ACADVL: variants seen among roughly 807,000 people sequenced by gnomAD.
The protein encoded by ACADVL is acyl-CoA dehydrogenase very long chain, also known as very long-chain acyl-CoA dehydrogenase, mitochondrial.
ACADVL carries 73 observed loss-of-function variants against 80.4 expected under a neutral mutation model. That is an observed-to-expected ratio of 0.91 (90% CI 0.75 to 1.10). The LOEUF is 1.10. Ranked by LOEUF, ACADVL falls within the 50% of genes least tolerant of loss-of-function variation. The pLI is 0.00. For missense variants in ACADVL, 878 were observed against 858.9 expected (o/e 1.02, Z -0.28); for synonymous variants, 392 against 326.5 (o/e 1.20, Z -2.16).
Position 7,225,261 on chromosome 17 carries a change from C to T in ACADVL, c.*164C>T, listed in dbSNP as rs2071422025. 1 of 949,738 alleles carries T rather than the reference C, an allele frequency of 1.1e-6. No individual in the cohort carries two copies. Among genetic ancestry groups the T allele is most frequent in the Non-Finnish European group, 1.6e-6 (1 of 635,488 alleles). The allele number at this position is 949,738 out of a possible 1,614,324, so 58.8% of individuals were successfully genotyped here. A position where few individuals can be genotyped will look rare whatever the true frequency, so the allele number is the denominator to read the frequency against. ...CTCGCAAATAATAAAAATTTCTAGC[C>T]AGTCATGCTTTGCTCCTGTGTGACG... On this transcript the variant is annotated 3_prime_UTR_variant, in exon 20 of 20. Transcript: ENST00000356839.
At chr17:7,217,630 A>C, upstream of ACADVL, 1 of 1,147,988 alleles carries the variant, frequency 8.7e-7, no homozygotes, top group Non-Finnish European at 1.1e-6. Context: ...AGAGGAGGAG[A>C]GAGGAAGCAG....
upstream of ACADVL, chr17:7,219,502 A>C: frequency 9.4e-7 from 1 of 1,063,274 alleles, no homozygotes; most frequent in Non-Finnish European, 1.1e-6. Context: ...GCCCCCCACC[A>C]CTGTACCCTC....
chr17:7,222,353 TCCTGGG>T (rs762627287), intron 9 of ACADVL, 51 bp downstream of exon 9: 3 of 1,599,994 alleles, frequency 1.9e-6, no homozygotes, highest in Non-Finnish European at 2.6e-6. Context: ...AGGACTGGGC[TCCTGGG>T]CAGATGGCTG....
Position 7,222,837 on chromosome 17 carries a change from G to T in ACADVL, c.1049G>T (p.Gly350Val), listed in dbSNP as rs1343647718. ...GRFGMAAALA[G>V]TMRGIIAKAV... ...TTTGGCATGGCTGCGGCCCTGGCAG[G>T]TACCATGAGAGGCATCATTGCTAAG... Residue 350 changes from glycine (G) to valine (V), a missense_variant, in exon 10 of 20, where the codon GGT becomes GTT. By Grantham distance (109) the Gly-to-Val change is moderately radical. Coordinates refer to ENST00000356839, the MANE Select transcript of ACADVL (RefSeq NM_000018.4). 1 of 1,612,960 alleles carries T rather than the reference G, an allele frequency of 6.2e-7. No individual in the cohort carries two copies.
In ACADVL at chr17:7,224,835, A is replaced by G. The variant is rs1567569517; in HGVS notation, c.1778A>G (p.His593Arg). 2 of 1,613,800 alleles carry G rather than the reference A, an allele frequency of 1.2e-6. No homozygotes were observed. The highest frequency in any genetic ancestry group is 1.7e-6 in the Non-Finnish European group (2 of 1,179,982). Residue 593 changes from histidine to arginine, a missense_variant, in exon 19 of 20, where the codon CAC becomes CGC. Physicochemically the swap from His to Arg is conservative, Grantham distance 29 (BLOSUM62 0). Coordinates refer to ENST00000356839, the MANE Select transcript of ACADVL (RefSeq NM_000018.4). ...SRASRSLSEGHPTAQHEKMLC... is the reference protein window; with the variant it reads ...SRASRSLSEGRPTAQHEKMLC... ...GCCTCAAGATCCCTGAGTGAGGGCC[A>G]CCCCACGGCCCAGCATGAGAAAATG...
upstream of ACADVL, chr17:7,218,144 G>A (rs2071018926): frequency 2.6e-6 from 3 of 1,155,036 alleles, no homozygotes; most frequent in Non-Finnish European, 2.5e-6. Flanking sequence ...TTGTCAGCAG[G>A]GCCCCCAAGA....
In ACADVL at chr17:7,220,632, T is replaced by A. The variant is rs1567561038; in HGVS notation, c.233T>A (p.Phe78Tyr). 1 of 1,614,034 alleles carries A rather than the reference T, an allele frequency of 6.2e-7. No homozygotes were observed. The highest frequency in any genetic ancestry group is 8.5e-7 in the Non-Finnish European group (1 of 1,180,026). ...TCTAAGTCCTTTGCTGTGGGAATGT[T>A]CAAAGGCCAGCTCACCACAGATCAG... Reference protein sequence around the residue: ...AESKSFAVGMFKGQLTTDQVF... With the variant: ...AESKSFAVGMYKGQLTTDQVF... Residue 78 changes from phenylalanine to tyrosine, a missense_variant, in exon 4 of 20, where the codon TTC (phenylalanine) becomes TAC (tyrosine). Coordinates refer to ENST00000356839, the MANE Select transcript of ACADVL (RefSeq NM_000018.4).
At chr17:7,219,412 A>G, upstream of ACADVL, 1 of 1,015,366 alleles carries the variant, frequency 9.8e-7, no homozygotes, top group Non-Finnish European at 1.2e-6. Context: ...CCTACTGTGA[A>G]ACTGTAGCTG....
Position 7,224,354 on chromosome 17 carries a change from C to A in ACADVL, c.1566C>A (p.Ser522Arg), listed in dbSNP as rs371654348. The A allele has an allele frequency of 1.9e-6, 3 of 1,613,742 alleles. No homozygotes were observed. Among genetic ancestry groups the A allele is most frequent in the Non-Finnish European group, 2.5e-6 (3 of 1,179,976 alleles). ...GGCTGGGCAGCGGCCTGAGTCTCAG[C>A]GGACTTGTCCACCCGGAGTTGAGTC... ...RAGLGSGLSL[S>R]GLVHPELSRS... Residue 522 changes from serine (S) to arginine (R), a missense_variant, in exon 16 of 20, where the codon AGC (serine) becomes AGA (arginine). Ser to Arg is a moderately radical substitution (Grantham distance 110). Transcript: ENST00000356839.
chr17:7,217,288 G>A, upstream of ACADVL: 1 of 1,137,944 alleles, frequency 8.8e-7, no homozygotes, highest in Non-Finnish European at 1.1e-6. Flanking sequence ...GGGGTGAGAG[G>A]GGAAGGAGGG....
upstream of ACADVL, chr17:7,219,322 GAGGGCAAAGACAGA>G: frequency 1.1e-6 from 1 of 893,008 alleles, no homozygotes; most frequent in Non-Finnish European, 1.4e-6. Context: ...GGAAGGAACA[GAGGGCAAAGACAGA>G]AGGGAATGTT....
intron 9 of ACADVL, 139 bp from the exon 10 acceptor site, chr17:7,222,528 G>A (rs1253455482): frequency 1.6e-5 from 19 of 1,176,458 alleles, no homozygotes; most frequent in Non-Finnish European, 2.1e-5. Context: ...CTCAGGGCCT[G>A]AGGGGAAGTG....
intron 7 of ACADVL, 26 bp from the exon 8 acceptor site, chr17:7,221,926 G>C: frequency 6.2e-7 from 1 of 1,614,002 alleles, no homozygotes. Context: ...TCAGAACTTG[G>C]GGTAAAGTAG....
In ACADVL at chr17:7,222,764, G is replaced by T. The variant is rs771210493; in HGVS notation, c.976G>T (p.Val326Phe). 2.5e-6 allele frequency: 4 copies of T among 1,614,152 alleles called. No homozygotes were observed. The highest frequency in any genetic ancestry group is 2.7e-5 in the African/African-American group (2 of 75,040). Residue 326 changes from valine (V) to phenylalanine (F), a missense_variant, in exon 10 of 20, where the codon GTT becomes TTT. Coordinates refer to ENST00000356839, the MANE Select transcript of ACADVL (RefSeq NM_000018.4). ...GCCATCGGAGAACGTGCTGGGTGAGGTTGGGAGTGGCTTCAAGGTTGCCAT... is the reference window on the plus strand; with the variant it reads ...GCCATCGGAGAACGTGCTGGGTGAGTTTGGGAGTGGCTTCAAGGTTGCCAT... ...RVPSENVLGE[V>F]GSGFKVAMHI...
chr17:7,223,112 G>A (rs375097735), intron 10 of ACADVL, 21 bp from the exon 11 acceptor site: 2 of 1,595,126 alleles, frequency 1.3e-6, no homozygotes, highest in Non-Finnish European at 1.7e-6. Context: ...ACCACAGCGG[G>A]ATGTGTGGAC....
At chr17:7,221,082 C>G in intron 6 of ACADVL, 24 bp downstream of exon 6, 2 of 1,612,572 alleles carry the variant, frequency 1.2e-6, no homozygotes, top group Non-Finnish European at 1.7e-6. Flanking sequence ...ATCGCCACAT[C>G]CCAGTATGCC....
In ACADVL at chr17:7,221,272, A is replaced by C. The variant is rs901575645; in HGVS notation, c.477+214A>C. ...GCCTCACCCTGGTTCCCAAGTCCTT[A>C]CAAATCTCTAAGTTGGGGATTGCCT... On this transcript the variant is annotated intron_variant, in intron 6 of 19. Transcript: ENST00000356839. 15 of 968,674 alleles carry C rather than the reference A, an allele frequency of 1.5e-5. No homozygotes were observed. In the African/African-American group the frequency reaches 2.5e-4, roughly 16 times the overall value. The allele number at this position is 968,674 out of a possible 1,614,324, so 60.0% of individuals were successfully genotyped here.
upstream of ACADVL, chr17:7,217,245 C>T: frequency 8.0e-7 from 1 of 1,256,834 alleles, no homozygotes; most frequent in Non-Finnish European, 1.0e-6. Context: ...CCCTCCGCAC[C>T]CCACTTTTGC....
At position 7,221,009 on chromosome 17, in the gene ACADVL, G is replaced by A. The variant is rs1458941582; in HGVS notation, c.428G>A (p.Gly143Asp). The A allele has an allele frequency of 6.2e-7, 1 of 1,613,860 alleles. No individual in the cohort carries two copies. Among genetic ancestry groups the A allele is most frequent in the Non-Finnish European group, 8.5e-7 (1 of 1,180,018 alleles). Residue 143 changes from glycine to aspartate, a missense_variant, in exon 6 of 20, where the codon GGT becomes GAT. Coordinates refer to ENST00000356839, the MANE Select transcript of ACADVL (RefSeq NM_000018.4). ...GGCCTCAAGGAGCTGGGGGCCTTTGGTCTGCAAGTGCCCAGTGAGCTGGGT... is the reference window on the plus strand; with the variant it reads ...GGCCTCAAGGAGCTGGGGGCCTTTGATCTGCAAGTGCCCAGTGAGCTGGGT... The part of the protein sequence containing the change: ...WQGLKELGAF[G>D]LQVPSELGGV...
Sources: allele counts gnomAD v4.1 joint callset, GRCh38; gene constraint gnomAD v4.1.1; transcripts MANE v1.5; gene names NCBI Gene and HGNC (gene_info 2026-07-23, HGNC 2026-07-21).